CFAP20DC: variants seen among roughly 807,000 people sequenced by gnomAD.
CFAP20DC encodes CFAP20 domain containing, also known as protein CFAP20DC.
Under a neutral mutation model 101.7 loss-of-function variants are expected in CFAP20DC, and 84 were observed. The observed-to-expected ratio is 0.83, with a 90% confidence interval of 0.69 to 0.99. The LOEUF is 0.99. CFAP20DC is among the 50% of genes least tolerant of loss of function. The pLI, the probability that CFAP20DC is intolerant of heterozygous loss-of-function variation, is 0.00. For missense variants in CFAP20DC, 1,007 were observed against 970.3 expected, an observed-to-expected ratio of 1.04 and a Z score of -0.50; for synonymous variants, 359 against 351.2, an observed-to-expected ratio of 1.02 and a Z score of -0.25.
intron 4 of CFAP20DC, among the ~76,000 whole-genome samples, chr3:59,034,777 C>A (rs1261800791): frequency 6.6e-6 from 1 of 152,122 alleles, no homozygotes; most frequent in African/African-American, 2.4e-5. Context: ...CAATATTAGA[C>A]AGCTCAATGA....
intron 13 of CFAP20DC, among the ~76,000 whole-genome samples, chr3:58,842,317 G>T (rs1392760345): frequency 6.6e-6 from 1 of 151,922 alleles, no homozygotes. Context: ...CGCACCGTGC[G>T]CGAGCTGAAG....
chr3:58,954,394 C>T (rs2090437862), intron 4 of CFAP20DC, among the ~76,000 whole-genome samples: 1 of 152,164 alleles, frequency 6.6e-6, no homozygotes, highest in African/African-American at 2.4e-5. Flanking sequence ...TTTATAGAAT[C>T]ATCTGTTCTT....
chr3:58,882,798 A>G lies in CFAP20DC; in HGVS notation c.715+1747T>C, dbSNP rs988326718. Among the ~76,000 whole-genome samples, 1 of 152,200 alleles carries G rather than the reference A, an allele frequency of 6.6e-6. No homozygotes were observed. The highest frequency in any genetic ancestry group is 1.5e-5 in the Non-Finnish European group (1 of 68,030). ...GCCTGCATTGCTATCAAAAAGTCCT[A>G]CCTAAAGTTGGTAACTGTGGAAGCA... On this transcript the variant is annotated intron_variant, in intron 7 of 16. Transcript: ENST00000482387. The surrounding 1 kb of genome is among the most constrained non-coding windows in gnomAD (Gnocchi z 4.2).
chr3:59,049,659 GCA>G lies in CFAP20DC; in HGVS notation c.-30_-29del. 1.3e-6 allele frequency: 2 copies of G among 1,535,628 alleles called. No individual in the cohort carries two copies. Among genetic ancestry groups the G allele is most frequent in the Non-Finnish European group, 1.7e-6 (2 of 1,146,548 alleles). On this transcript the variant is annotated 5_prime_UTR_variant, in exon 1 of 17. Coordinates refer to ENST00000482387, the MANE Select transcript of CFAP20DC (RefSeq NM_001394063.1). ...CCGCAGGGGGCCCAGGGCTTGGGGG[GCA>G]CAGAGTTCAGGGTTTCCAGCGAGTG...
At chr3:58,968,604 A>G (rs539451920) in intron 4 of CFAP20DC, among the ~76,000 whole-genome samples, 1 of 152,250 alleles carries the variant, frequency 6.6e-6, no homozygotes, top group South Asian at 2.1e-4. Flanking sequence ...TATTCTGGAT[A>G]TAAGACCTTT....
In CFAP20DC at chr3:58,812,788, G is replaced by C. The variant is rs115446689; in HGVS notation, c.2176-6332C>G. ...GCAAATAGCAGAGTGGTATAAATGA[G>C]AAATCACATTTATCATTATTATTAT... On this transcript the variant is annotated intron_variant, in intron 14 of 16. Coordinates refer to ENST00000482387, the MANE Select transcript of CFAP20DC (RefSeq NM_001394063.1). Among the ~76,000 whole-genome samples the C allele has an allele frequency of 2.3e-4, 35 of 151,894 alleles. 1 individual carries two copies. The highest frequency in any genetic ancestry group is 8.5e-4 in the African/African-American group (35 of 41,274).
At chr3:58,904,386 G>A (rs1327518525) in intron 6 of CFAP20DC, among the ~76,000 whole-genome samples, 1 of 151,860 alleles carries the variant, frequency 6.6e-6, no homozygotes, top group Middle Eastern at 3.2e-3. Flanking sequence ...CCCATTTTTG[G>A]TGGTTCTACT....
At position 58,913,851 on chromosome 3, in the gene CFAP20DC, C is replaced by A. The variant is rs371916517; in HGVS notation, c.407G>T (p.Cys136Phe). ...MIKRKIWCNL[C>F]IDLVAFTSEI... is the part of the protein sequence containing the mutation. ...ACTGGTGAATGCTACTAAGTCAATGCATAGATTGCACCACTAAAATAGAGA... is the reference window on the plus strand; with the variant it reads ...ACTGGTGAATGCTACTAAGTCAATGAATAGATTGCACCACTAAAATAGAGA... Residue 136 changes from cysteine to phenylalanine, a missense_variant, in exon 6 of 17, where the codon TGC becomes TTC. Transcript: ENST00000482387. This position sits in a 1 kb window ranked among gnomAD's most constrained non-coding sequence, Gnocchi z 4.4. 6.4e-5 allele frequency: 104 copies of A among 1,613,386 alleles called. No homozygotes were observed. Among genetic ancestry groups the A allele is most frequent in the Non-Finnish European group, 8.5e-5 (100 of 1,179,666 alleles).
chr3:58,742,045 C>A lies in CFAP20DC; in HGVS notation c.*415G>T. ...TCATACTTTATTTTTAATACAAATG[C>A]CATAAAATAAAAGGTACCCAGGCAT... On this transcript the variant is annotated 3_prime_UTR_variant, in exon 17 of 17. Transcript: ENST00000482387. The A allele has an allele frequency of 1.0e-6, 1 of 961,662 alleles. No individual in the cohort carries two copies. The highest frequency in any genetic ancestry group is 1.2e-6 in the Non-Finnish European group (1 of 807,948). 59.6% of individuals were successfully genotyped at this position (961,662 alleles called of 1,614,324 possible).
At chr3:58,771,291 C>T (rs569752622) in intron 15 of CFAP20DC, among the ~76,000 whole-genome samples, 23 of 152,090 alleles carry the variant, frequency 1.5e-4, no homozygotes, top group African/African-American at 5.1e-4. Flanking sequence ...AGGAGAAATA[C>T]CTAATGTAGG....
At chr3:58,787,961 G>A (rs1272637426) in intron 15 of CFAP20DC, among the ~76,000 whole-genome samples, 2 of 151,678 alleles carry the variant, frequency 1.3e-5, no homozygotes. Flanking sequence ...CACAGGGAGG[G>A]GAACATCACA....
At chr3:58,900,710 C>T (rs2083074385) in intron 6 of CFAP20DC, among the ~76,000 whole-genome samples, 1 of 152,222 alleles carries the variant, frequency 6.6e-6, no homozygotes, top group Admixed American at 6.5e-5. Context: ...GCTCATGCAG[C>T]GTCCAAGCAC....
At chr3:59,020,804 G>A (rs1404737686) in intron 4 of CFAP20DC, among the ~76,000 whole-genome samples, 1 of 151,964 alleles carries the variant, frequency 6.6e-6, no homozygotes, top group Non-Finnish European at 1.5e-5. Flanking sequence ...TCCCAAATAG[G>A]GGCTGTTTGT....
chr3:58,856,034 A>G (rs927828009), intron 12 of CFAP20DC, among the ~76,000 whole-genome samples: 37 of 151,798 alleles, frequency 2.4e-4, no homozygotes, highest in African/African-American at 8.3e-4. Flanking sequence ...TGTAGGAAAA[A>G]AAACTTCAAA....
At chr3:58,915,333 T>C (rs529126747) in intron 5 of CFAP20DC, among the ~76,000 whole-genome samples, 44 of 152,228 alleles carry the variant, frequency 2.9e-4, no homozygotes, top group Non-Finnish European at 4.3e-4. Flanking sequence ...CTTGGTGAAA[T>C]GCAGGTTATA....
chr3:58,799,350 T>C lies in CFAP20DC; in HGVS notation c.2237+7045A>G, dbSNP rs933183855. Reference sequence around the variant, plus strand: ...AAATGATATCAGATACTTTATATTCTGGATATCTTTTAAGGGATCTTTAAA... The same window carrying C: ...AAATGATATCAGATACTTTATATTCCGGATATCTTTTAAGGGATCTTTAAA... On this transcript the variant is annotated intron_variant, in intron 15 of 16. Coordinates refer to ENST00000482387, the MANE Select transcript of CFAP20DC (RefSeq NM_001394063.1). The surrounding 1 kb of genome is among the most constrained non-coding windows in gnomAD (Gnocchi z 4.9). 2.6e-5 allele frequency among the ~76,000 whole-genome samples: 4 copies of C among 152,250 alleles called. No homozygotes were observed. The highest frequency in any genetic ancestry group is 4.8e-5 in the African/African-American group (2 of 41,462).
intron 4 of CFAP20DC, among the ~76,000 whole-genome samples, chr3:58,970,952 T>C (rs2091912968): frequency 6.6e-6 from 1 of 152,172 alleles, no homozygotes; most frequent in Non-Finnish European, 1.5e-5. Flanking sequence ...AGTTGCTTAT[T>C]TAAAAAATAA....
At chr3:58,969,086 T>G (rs183569302) in intron 4 of CFAP20DC, among the ~76,000 whole-genome samples, 20 of 152,292 alleles carry the variant, frequency 1.3e-4, no homozygotes, top group African/African-American at 4.8e-4. Context: ...TTTGTACCAG[T>G]ACCATGCGTT....
intron 6 of CFAP20DC, among the ~76,000 whole-genome samples, chr3:58,890,301 G>T (rs2082063875): frequency 6.8e-6 from 1 of 146,506 alleles, no homozygotes; most frequent in Admixed American, 6.7e-5. Context: ...GGCTGTCCGG[G>T]CGGGGGGCTG....
Sources: allele counts gnomAD v4.1 joint callset (sites outside exome capture counted in the v4.1 genomes callset), GRCh38; gene constraint gnomAD v4.1.1; non-coding constraint Gnocchi (gnomAD v3.1); transcripts MANE v1.5; gene names NCBI Gene and HGNC (gene_info 2026-07-23, HGNC 2026-07-21).